Variants in FOXN3 observed in about 807,000 individuals in gnomAD.
FOXN3 encodes the protein forkhead box protein N3.
A neutral mutation model predicts 38.4 loss-of-function variants in FOXN3; 7 were observed. The ratio of observed to expected loss-of-function variants is 0.18; its 90% CI spans 0.10 to 0.34. FOXN3 has a LOEUF of 0.34. FOXN3 is among the 10% of genes least tolerant of loss of function. The pLI, the probability that FOXN3 is intolerant of heterozygous loss-of-function variation, is 1.00. For missense variants in FOXN3, 456 were observed against 613.4 expected, an observed-to-expected ratio of 0.74 and a Z score of 2.71; for synonymous variants, 230 against 242.2, an observed-to-expected ratio of 0.95 and a Z score of 0.47.
intron 3 of FOXN3, among the ~76,000 whole-genome samples, chr14:89,344,553 T>A (rs952936493): frequency 4.6e-5 from 7 of 152,226 alleles, no homozygotes; most frequent in African/African-American, 1.7e-4. Flanking sequence ...AGGTATTACA[T>A]AAGACCCATA....
chr14:89,316,814 A>T (rs2139966978), intron 3 of FOXN3, among the ~76,000 whole-genome samples: 1 of 152,068 alleles, frequency 6.6e-6, no homozygotes, highest in Middle Eastern at 3.4e-3. Context: ...ACAGGGGCCT[A>T]TCACCACGCC....
chr14:89,428,601 C>T lies in FOXN3; in HGVS notation c.-14-16111G>A, dbSNP rs555940734. On this transcript the variant is annotated intron_variant, in intron 1 of 6. Coordinates refer to the FOXN3 transcript ENST00000345097. ...CGTCCTTTTTAAGTTGGCATTGCTT[C>T]CAGAGAGGAATCCTGAACATGTTTC... 1.7e-4 allele frequency among the ~76,000 whole-genome samples: 26 copies of T among 152,372 alleles called. 1 individual carries two copies. The highest frequency in any genetic ancestry group is 6.3e-4 in the African/African-American group (26 of 41,598).
chr14:89,396,042 A>G (rs1234295638), intron 2 of FOXN3, among the ~76,000 whole-genome samples: 1 of 152,226 alleles, frequency 6.6e-6, no homozygotes, highest in African/African-American at 2.4e-5. Context: ...AAATACTAAT[A>G]GGCAGGTAAT....
At chr14:89,201,186 A>C (rs1231538822) in intron 4 of FOXN3, among the ~76,000 whole-genome samples, 5 of 152,080 alleles carry the variant, frequency 3.3e-5, no homozygotes, top group African/African-American at 1.2e-4. Context: ...TTTGCATCTC[A>C]TCCAGTTGTG....
At chr14:89,448,574 G>A (rs1044431638) in intron 1 of FOXN3, among the ~76,000 whole-genome samples, 8 of 152,096 alleles carry the variant, frequency 5.3e-5, no homozygotes, top group Non-Finnish European at 1.5e-5. Flanking sequence ...ATTGCCCTGG[G>A]AAATCACTGA....
chr14:89,521,920 G>T (rs1302202469), intron 1 of FOXN3, among the ~76,000 whole-genome samples: 1 of 151,934 alleles, frequency 6.6e-6, no homozygotes, highest in Non-Finnish European at 1.5e-5. Flanking sequence ...AGGAGGCTGG[G>T]GGTAGGGGTG....
At chr14:89,189,473 G>A (rs554645811) in intron 4 of FOXN3, among the ~76,000 whole-genome samples, 7 of 152,282 alleles carry the variant, frequency 4.6e-5, no homozygotes, top group Middle Eastern at 6.8e-3. Context: ...CCTCACTACC[G>A]TGTTTCATCA....
chr14:89,285,863 ATTTTTT>A (rs34767285), intron 3 of FOXN3, among the ~76,000 whole-genome samples: 37 of 146,006 alleles, frequency 2.5e-4, no homozygotes, highest in Middle Eastern at 3.5e-3. Flanking sequence ...TTTACCAAAA[ATTTTTT>A]TTTTTTTTTT....
At chr14:89,326,193 A>ACAC in intron 3 of FOXN3, among the ~76,000 whole-genome samples, 1 of 152,146 alleles carries the variant, frequency 6.6e-6, no homozygotes, top group Non-Finnish European at 1.5e-5. Context: ...CCCAGAGCAC[A>ACAC]CACCTTCTTT....
chr14:89,536,033 C>A (rs1220904849), intron 1 of FOXN3, among the ~76,000 whole-genome samples: 1 of 152,198 alleles, frequency 6.6e-6, no homozygotes, highest in Non-Finnish European at 1.5e-5. Context: ...TTGTAAATAA[C>A]GGCACATGTG....
At chr14:89,442,605 C>T (rs921562340) in intron 1 of FOXN3, among the ~76,000 whole-genome samples, 1 of 152,192 alleles carries the variant, frequency 6.6e-6, no homozygotes, top group African/African-American at 2.4e-5. Flanking sequence ...CTCTGGGAAA[C>T]AACGGATCCC....
chr14:89,570,901 A>G (rs1441439148), intron 1 of FOXN3, among the ~76,000 whole-genome samples: 1 of 152,162 alleles, frequency 6.6e-6, no homozygotes, highest in African/African-American at 2.4e-5. Flanking sequence ...TTTTACAACA[A>G]ATCCATAACC....
intron 3 of FOXN3, among the ~76,000 whole-genome samples, chr14:89,331,371 T>C (rs959533771): frequency 6.6e-6 from 1 of 152,276 alleles, no homozygotes; most frequent in African/African-American, 2.4e-5. Context: ...TGTTGTGGCC[T>C]GTGTCAGAAT....
At chr14:89,188,884 T>A (rs1260994228) in intron 4 of FOXN3, among the ~76,000 whole-genome samples, 1 of 152,186 alleles carries the variant, frequency 6.6e-6, no homozygotes, top group South Asian at 2.1e-4. Context: ...TTCTCTGAAA[T>A]ATGAAACATC....
intron 1 of FOXN3, among the ~76,000 whole-genome samples, chr14:89,414,175 G>A (rs1004609363): frequency 1.3e-5 from 2 of 152,092 alleles, no homozygotes; most frequent in African/African-American, 2.4e-5. Flanking sequence ...AAATTCGCTA[G>A]GTGTGGTGGT....
chr14:89,505,534 C>A (rs1390564617), intron 1 of FOXN3, among the ~76,000 whole-genome samples: 2 of 152,182 alleles, frequency 1.3e-5, no homozygotes, highest in African/African-American at 4.8e-5. Context: ...GCCTCGGCCT[C>A]CCGAGGTGCC....
At chr14:89,570,477 A>C (rs889386383) in intron 1 of FOXN3, among the ~76,000 whole-genome samples, 1 of 152,020 alleles carries the variant, frequency 6.6e-6, no homozygotes, top group African/African-American at 2.4e-5. Flanking sequence ...TGATGCATTA[A>C]GAAGCTCTCC....
chr14:89,565,080 G>C lies in FOXN3; in HGVS notation c.-15+53948C>G, dbSNP rs982075966. On this transcript the variant is annotated intron_variant, in intron 1 of 6. Coordinates refer to the FOXN3 transcript ENST00000345097. Reference sequence around the variant, plus strand: ...CTGCACTCCAGCCTGGATGACAGAAGGAGAGCTCGTCTCAAAAAAAAAAAA... The same window carrying C: ...CTGCACTCCAGCCTGGATGACAGAACGAGAGCTCGTCTCAAAAAAAAAAAA... 2.4e-5 allele frequency among the ~76,000 whole-genome samples: 3 copies of C among 124,916 alleles called. No homozygotes were observed. In the Admixed American group the frequency reaches 3.2e-4, roughly 13 times the overall value. 81.9% of individuals were successfully genotyped at this position (124,916 alleles called of 152,430 possible).
chr14:89,291,907 C>T (rs1413938877), intron 3 of FOXN3, among the ~76,000 whole-genome samples: 1 of 152,158 alleles, frequency 6.6e-6, no homozygotes. Context: ...CAGTGACACC[C>T]ACCTCATCAG....
Sources: allele counts gnomAD v4.1 joint callset (sites outside exome capture counted in the v4.1 genomes callset), GRCh38; gene constraint gnomAD v4.1.1; transcripts MANE v1.5; gene names NCBI Gene and HGNC (gene_info 2026-07-23, HGNC 2026-07-21).